The following PRH1 variants were observed in gnomAD, a reference collection of about 807,000 sequenced individuals.
The protein encoded by PRH1 is salivary acidic proline-rich phosphoprotein 1/2.
In PRH1, 7 loss-of-function variants were observed where a neutral mutation model predicts 7.9. The ratio of observed to expected loss-of-function variants is 0.89; its 90% confidence interval spans 0.50 to 1.67. PRH1 has a LOEUF of 1.67. Ranked by LOEUF, PRH1 falls within the 40% of genes most tolerant of loss-of-function variation. PRH1 has a pLI of 0.00. For synonymous variants in PRH1, 45 were observed against 80.8 expected, an observed-to-expected ratio of 0.56 and a Z score of 2.38; for missense variants, 109 against 223.6, an observed-to-expected ratio of 0.49 and a Z score of 3.27.
At chr12:10,997,096 G>A (rs753802822) in intron 1 of PRH1, 9 of 1,613,928 alleles carry the variant, frequency 5.6e-6, no homozygotes, top group Non-Finnish European at 6.8e-6. Context: ...AAAGCATTAA[G>A]ACAATTTCTT....
rs1450499742 is a variant in PRH1 at position 11,094,900 on chromosome 12, G to A, written n.124-47712C>T. Among the ~76,000 whole-genome samples, 12 of 101,652 alleles carry A rather than the reference G, an allele frequency of 1.2e-4. 4 individuals carry two copies. Among genetic ancestry groups the A allele is most frequent in the Non-Finnish European group, 2.5e-4 (11 of 43,960 alleles). 66.7% of individuals were successfully genotyped at this position (101,652 alleles called of 152,430 possible). On this transcript the variant is annotated intron_variant and non_coding_transcript_variant, in intron 1 of 4. Coordinates refer to the PRH1 transcript ENST00000541977. The stretch of plus-strand genomic sequence containing the variant: ...TTTCCAAGTCCCTAAACCCTTCTTC[G>A]CATCTCCTGATATAAGCAATATCCA...
chr12:11,131,113 T>C (rs1946328004), intron 1 of PRH1, among the ~76,000 whole-genome samples: 1 of 152,210 alleles, frequency 6.6e-6, no homozygotes, highest in Admixed American at 6.5e-5. Context: ...ACAACAGAGA[T>C]GGTAGTTCTA....
intron 2 of PRH1, among the ~76,000 whole-genome samples, chr12:10,972,928 A>ATCCG (rs1555119295): frequency 1.0e-4 from 10 of 100,326 alleles, no homozygotes; most frequent in African/African-American, 3.8e-4. Context: ...AAGCACCACA[A>ATCCG]CCCACCCCCC....
intron 2 of PRH1, among the ~76,000 whole-genome samples, chr12:10,916,754 C>A (rs545594155): frequency 3.8e-4 from 58 of 152,104 alleles, no homozygotes; most frequent in African/African-American, 1.3e-3. Flanking sequence ...TTATCATCAA[C>A]AAATATATTT....
chr12:10,969,018 G>A (rs956826164), intron 2 of PRH1, among the ~76,000 whole-genome samples: 2 of 152,220 alleles, frequency 1.3e-5, no homozygotes, highest in African/African-American at 4.8e-5. Context: ...CTGAGCTCTT[G>A]TCCAGCTTCC....
chr12:10,993,709 G>T (rs1940057845), intron 1 of PRH1, among the ~76,000 whole-genome samples: 1 of 152,178 alleles, frequency 6.6e-6, no homozygotes, highest in African/African-American at 2.4e-5. Context: ...AAAGGCTACT[G>T]GTCTCAAGTG....
intron 1 of PRH1, among the ~76,000 whole-genome samples, chr12:11,153,721 C>G (rs1055231582): frequency 6.6e-6 from 1 of 151,954 alleles, no homozygotes; most frequent in African/African-American, 2.4e-5. Flanking sequence ...CCCAGCAGGC[C>G]CCAAATGACA....
At chr12:10,973,016 G>A (rs1938909394) in intron 2 of PRH1, among the ~76,000 whole-genome samples, 1 of 133,018 alleles carries the variant, frequency 7.5e-6, no homozygotes, top group Non-Finnish European at 1.5e-5. Context: ...TAAATTTCAG[G>A]GAGGTCATGT....
intron 1 of PRH1, among the ~76,000 whole-genome samples, chr12:10,998,215 C>G (rs1940399913): frequency 6.6e-6 from 1 of 152,096 alleles, no homozygotes; most frequent in Non-Finnish European, 1.5e-5. Flanking sequence ...AAGACATATC[C>G]TCTTTCATTG....
chr12:11,088,337 T>C (rs1944778197), intron 1 of PRH1, among the ~76,000 whole-genome samples: 1 of 75,894 alleles, frequency 1.3e-5, no homozygotes, highest in Non-Finnish European at 3.1e-5. Flanking sequence ...TGAGACCCTG[T>C]CTCAAAATAA....
intron 1 of PRH1, chr12:11,133,355 A>C (rs931847854): frequency 1.9e-6 from 3 of 1,613,826 alleles, no homozygotes; most frequent in Non-Finnish European, 2.5e-6. Context: ...CCAGTACCTC[A>C]CATGCCGCAA....
chr12:11,040,808 G>C (rs144234911), intron 1 of PRH1, among the ~76,000 whole-genome samples: 1 of 152,232 alleles, frequency 6.6e-6, no homozygotes. Flanking sequence ...TGGAGTTAAG[G>C]TGCAGAGTCC....
chr12:11,129,791 G>T (rs562732444), intron 1 of PRH1, among the ~76,000 whole-genome samples: 6 of 152,392 alleles, frequency 3.9e-5, no homozygotes, highest in Non-Finnish European at 7.3e-5. Context: ...TGTATGTCAG[G>T]GCTATGTCAC....
intron 2 of PRH1, among the ~76,000 whole-genome samples, chr12:10,956,538 T>C (rs1937968930): frequency 6.6e-6 from 1 of 152,038 alleles, no homozygotes; most frequent in Non-Finnish European, 1.5e-5. Context: ...CTCTCACCAC[T>C]CTTATTCAAC....
intron 1 of PRH1, among the ~76,000 whole-genome samples, chr12:11,164,368 G>T (rs1223544641): frequency 6.6e-6 from 1 of 151,904 alleles, no homozygotes; most frequent in Non-Finnish European, 1.5e-5. Context: ...TTGGCCTCAA[G>T]ACTACACCAC....
In PRH1 at chr12:10,931,152, T is replaced by C; in HGVS notation, c.-59+42503A>G. On this transcript the variant is annotated intron_variant, in intron 2 of 3. Coordinates refer to the PRH1 transcript ENST00000539853. ...TCTCCAACTTCATTGTGCCAGTGAA[T>C]CTATTGAAAAGCTGTTAATATTTCC... 2.5e-6 allele frequency: 4 copies of C among 1,586,528 alleles called. No homozygotes were observed. In the South Asian group the frequency reaches 4.7e-5, roughly 18 times the overall value.
intron 1 of PRH1, among the ~76,000 whole-genome samples, chr12:11,041,038 AAAG>A (rs898982313): frequency 3.3e-5 from 5 of 152,110 alleles, no homozygotes; most frequent in African/African-American, 1.2e-4. Flanking sequence ...GGAAGGAAAG[AAAG>A]AATAGCAGAC....
intron 1 of PRH1, among the ~76,000 whole-genome samples, chr12:11,136,438 T>G (rs1330928578): frequency 6.6e-6 from 1 of 152,218 alleles, no homozygotes; most frequent in African/African-American, 2.4e-5. Context: ...AGAGAATTCT[T>G]TCATATATCA....
rs190429287 is a variant in PRH1, at chr12:11,155,396, A to G, written n.39+16026T>C. 2.6e-4 allele frequency among the ~76,000 whole-genome samples: 40 copies of G among 152,352 alleles called. No homozygotes were observed. The East Asian group carries it at 4.2e-3, about 16-fold the overall frequency. ...GGTACAGAAACCTGGAAAAATGATT[A>G]TAAGTCTTTTCTAGAACATTAGAAA... On this transcript the variant is annotated intron_variant and non_coding_transcript_variant, in intron 1 of 1. Coordinates refer to the PRH1 transcript ENST00000541175.
Sources: allele counts gnomAD v4.1 joint callset (sites outside exome capture counted in the v4.1 genomes callset), GRCh38; gene constraint gnomAD v4.1.1; transcripts MANE v1.5; gene names NCBI Gene and HGNC (gene_info 2026-07-23, HGNC 2026-07-21).